F13A1: variants seen among roughly 807,000 people sequenced by gnomAD.
F13A1 encodes the protein FSF, A subunit.
Under a neutral mutation model 80.1 loss-of-function variants are expected in F13A1, and 47 were observed. The observed-to-expected ratio is 0.59, with a 90% CI of 0.46 to 0.75. The LOEUF is 0.75. F13A1 is among the 30% of genes least tolerant of loss of function. F13A1 has a pLI of 0.00. For missense variants in F13A1, 817 were observed against 930.4 expected (o/e 0.88, Z 1.59); for synonymous variants, 349 against 344.9 (o/e 1.01, Z -0.13).
intron 12 of F13A1, chr6:6,169,221 C>CT (rs1290724962): frequency 1.3e-5 from 2 of 152,276 alleles, no homozygotes; most frequent in African/African-American, 2.4e-5. Flanking sequence ...AGGGGCATCC[C>CT]TGTAGAATCA....
At chr6:6,212,912 T>A (rs1348087313) in intron 8 of F13A1, among the ~76,000 whole-genome samples, 1 of 152,046 alleles carries the variant, frequency 6.6e-6, no homozygotes, top group African/African-American at 2.4e-5. Flanking sequence ...TGCGATCAAC[T>A]GGAAGAAAGG....
chr6:6,232,404 C>A (rs1757364880), intron 6 of F13A1, among the ~76,000 whole-genome samples: 1 of 152,150 alleles, frequency 6.6e-6, no homozygotes, highest in African/African-American at 2.4e-5. Context: ...GAAAATATCA[C>A]AATCCTAAAC....
intron 13 of F13A1, among the ~76,000 whole-genome samples, chr6:6,157,917 A>G (rs1760505174): frequency 6.6e-6 from 1 of 152,176 alleles, no homozygotes; most frequent in African/African-American, 2.4e-5. Context: ...TAAAATGTGT[A>G]CTGTTCTGTA....
intron 11 of F13A1, among the ~76,000 whole-genome samples, chr6:6,178,054 G>GGC (rs1760915241): frequency 8.6e-6 from 1 of 115,856 alleles, no homozygotes; most frequent in South Asian, 3.4e-4. Context: ...AGGGGGGGGG[G>GGC]GGTGGGGCTT....
chr6:6,191,276 T>TACCTTCC (rs1413231871), intron 10 of F13A1, among the ~76,000 whole-genome samples: 15 of 152,192 alleles, frequency 9.9e-5, no homozygotes, highest in Admixed American at 9.8e-4. Flanking sequence ...TCTCTGAGCC[T>TACCTTCC]ACCTTCCTTG....
chr6:6,298,281 G>T (rs1302296181), intron 3 of F13A1, among the ~76,000 whole-genome samples: 9 of 147,552 alleles, frequency 6.1e-5, no homozygotes, highest in African/African-American at 2.4e-4. Context: ...GTGCAGAGCT[G>T]AGTTCAATTC....
At chr6:6,159,046 T>C (rs999363235) in intron 13 of F13A1, among the ~76,000 whole-genome samples, 1 of 151,708 alleles carries the variant, frequency 6.6e-6, no homozygotes, top group East Asian at 1.9e-4. Flanking sequence ...GGACTACAGG[T>C]GCCCGCCACT....
chr6:6,257,574 T>C (rs2113111863), intron 4 of F13A1, among the ~76,000 whole-genome samples: 1 of 152,294 alleles, frequency 6.6e-6, no homozygotes, highest in South Asian at 2.1e-4. Context: ...GAAATAACAA[T>C]GACTAACACC....
rs1760595497 is a variant in F13A1 at position 6,162,637 on chromosome 6, T to G, written c.1908+4821A>C. 6.6e-6 allele frequency among the ~76,000 whole-genome samples: 1 copy of G among 152,148 alleles called. No homozygotes were observed. The highest frequency in any genetic ancestry group is 2.1e-4 in the South Asian group (1 of 4,828). On this transcript the variant is annotated intron_variant, in intron 13 of 14. Transcript: ENST00000264870. The surrounding 1 kb of genome is among the most constrained non-coding windows in gnomAD (Gnocchi z 4.2). Reference sequence around the variant, plus strand: ...CACGTGATCACGGGCCAGTTACTAATAAACAGCAATAATGGCAATAATAGC... The same window carrying G: ...CACGTGATCACGGGCCAGTTACTAAGAAACAGCAATAATGGCAATAATAGC...
chr6:6,270,497 C>A (rs1757906386), intron 3 of F13A1, among the ~76,000 whole-genome samples: 1 of 152,118 alleles, frequency 6.6e-6, no homozygotes, highest in Non-Finnish European at 1.5e-5. Flanking sequence ...TTTAGAGTTG[C>A]CAAGGCAGTT....
intron 8 of F13A1, among the ~76,000 whole-genome samples, chr6:6,199,557 C>T (rs1761355833): frequency 6.6e-6 from 1 of 151,616 alleles, no homozygotes; most frequent in African/African-American, 2.4e-5. Context: ...GAAGCTGAAA[C>T]CCAGGAAGGT....
intron 3 of F13A1, among the ~76,000 whole-genome samples, chr6:6,300,062 G>T (rs1275478854): frequency 6.8e-5 from 10 of 146,466 alleles, no homozygotes; most frequent in South Asian, 2.1e-4. Context: ...AGGCTGCTTG[G>T]GGGTCAGGGG....
At chr6:6,216,876 C>A (rs1255883477) in intron 8 of F13A1, among the ~76,000 whole-genome samples, 1 of 149,640 alleles carries the variant, frequency 6.7e-6, no homozygotes, top group East Asian at 1.9e-4. Context: ...AGGACATGAA[C>A]AGGCACTTCT....
Position 6,145,444 on chromosome 6 carries a change from C to A in F13A1, c.*175G>T. 1 of 770,376 alleles carries A rather than the reference C, an allele frequency of 1.3e-6. No homozygotes were observed. Among genetic ancestry groups the A allele is most frequent in the Middle Eastern group, 2.6e-4 (1 of 3,900 alleles). 47.7% of individuals were successfully genotyped at this position (770,376 alleles called of 1,614,324 possible). On this transcript the variant is annotated 3_prime_UTR_variant, in exon 15 of 15. Transcript: ENST00000264870. The stretch of plus-strand genomic sequence containing the variant: ...AAAACTAACTTCCTTGCCGAATAGC[C>A]TGGGTTTGGAAAAGCATGTTTTTGA...
Position 6,200,415 on chromosome 6 carries a change from A to G in F13A1, c.1113-3089T>C, listed in dbSNP as rs575439582. On this transcript the variant is annotated intron_variant, in intron 8 of 14. Transcript: ENST00000264870. The stretch of plus-strand genomic sequence containing the variant: ...AACCCTGTCTCTATTAAAGTTAAAG[A>G]AGTTAGCTGACCTGTAGTCTCAGCT... Among the ~76,000 whole-genome samples the G allele has an allele frequency of 3.9e-5, 6 of 151,976 alleles. No homozygotes were observed. The South Asian group carries it at 1.3e-3, about 32-fold the overall frequency.
chr6:6,178,828 G>A (rs887991361), intron 11 of F13A1, among the ~76,000 whole-genome samples: 2 of 152,302 alleles, frequency 1.3e-5, no homozygotes, highest in South Asian at 4.1e-4. Context: ...CAAAGGGAGT[G>A]AACAACAGCA....
chr6:6,296,242 T>A (rs1758325041), intron 3 of F13A1, among the ~76,000 whole-genome samples: 1 of 151,972 alleles, frequency 6.6e-6, no homozygotes, highest in African/African-American at 2.4e-5. Context: ...CTTTTTTGGT[T>A]CCATGTGAAC....
intron 6 of F13A1, among the ~76,000 whole-genome samples, chr6:6,244,492 G>A (rs1490349303): frequency 2.6e-5 from 4 of 152,164 alleles, no homozygotes; most frequent in Non-Finnish European, 5.9e-5. Context: ...TCTAGATGAT[G>A]AGAATACAGG....
At chr6:6,214,849 T>C (rs1761691669) in intron 8 of F13A1, among the ~76,000 whole-genome samples, 2 of 76,804 alleles carry the variant, frequency 2.6e-5, no homozygotes, top group Non-Finnish European at 5.2e-5. Context: ...AAAGGGGATA[T>C]CACCACCGAT....
Sources: allele counts gnomAD v4.1 joint callset (sites outside exome capture counted in the v4.1 genomes callset), GRCh38; gene constraint gnomAD v4.1.1; non-coding constraint Gnocchi (gnomAD v3.1); transcripts MANE v1.5; gene names NCBI Gene and HGNC (gene_info 2026-07-23, HGNC 2026-07-21).